Variants in STX7 observed in about 807,000 individuals in gnomAD.
STX7 encodes the protein syntaxin 7.
In STX7, 34 loss-of-function variants were observed where a neutral mutation model predicts 39.6. That is an observed-to-expected ratio of 0.86 (90% CI 0.65 to 1.14). STX7 has a LOEUF of 1.14. Ranked by LOEUF, STX7 falls within the 50% of genes most tolerant of loss-of-function variation. STX7 has a pLI of 0.00. For missense variants in STX7, 284 were observed against 310.4 expected, an observed-to-expected ratio of 0.92 and a Z score of 0.64; for synonymous variants, 119 against 99.1, an observed-to-expected ratio of 1.20 and a Z score of -1.19.
At chr6:132,485,422 G>A (rs886343094) in intron 2 of STX7, among the ~76,000 whole-genome samples, 1 of 152,130 alleles carries the variant, frequency 6.6e-6, no homozygotes, top group Non-Finnish European at 1.5e-5. Context: ...CACTATTGAT[G>A]GACATTTGTG....
intron 3 of STX7, among the ~76,000 whole-genome samples, chr6:132,474,983 G>T (rs1582656711): frequency 6.6e-6 from 1 of 152,166 alleles, no homozygotes; most frequent in East Asian, 1.9e-4. Flanking sequence ...TGACTGCGGG[G>T]ATTTTTAGCT....
Position 132,456,537 on chromosome 6 carries a change from G to T in STX7, c.*4221C>A, listed in dbSNP as rs1056427717. ...TAAGTATTTATTAAGCAACTACTACGGGAGGGAAGGAAGAAGGGAAGGAAG... is the reference window on the plus strand; with the variant it reads ...TAAGTATTTATTAAGCAACTACTACTGGAGGGAAGGAAGAAGGGAAGGAAG... On this transcript the variant is annotated 3_prime_UTR_variant, in exon 10 of 10. Transcript: ENST00000367941. The T allele has an allele frequency of 6.6e-6, 1 of 152,168 alleles. No homozygotes were observed. Among genetic ancestry groups the T allele is most frequent in the Non-Finnish European group, 1.5e-5 (1 of 68,038 alleles). 9.4% of individuals were successfully genotyped at this position (152,168 alleles called of 1,614,324 possible).
intron 7 of STX7, 100 bp from the exon 8 acceptor site, chr6:132,468,575 G>T (rs1475454459): frequency 4.2e-6 from 3 of 720,990 alleles, no homozygotes; most frequent in Non-Finnish European, 4.7e-6. Flanking sequence ...ACACATGGGT[G>T]AGCATGCATC....
At chr6:132,498,021 G>C (rs1051561946) in intron 2 of STX7, among the ~76,000 whole-genome samples, 1 of 152,176 alleles carries the variant, frequency 6.6e-6, no homozygotes, top group African/African-American at 2.4e-5. Flanking sequence ...GGTTGAAAAA[G>C]ACTGGATGGC....
chr6:132,484,424 CA>C (rs1299177794), intron 2 of STX7, among the ~76,000 whole-genome samples: 3 of 152,122 alleles, frequency 2.0e-5, no homozygotes, highest in African/African-American at 7.2e-5. Flanking sequence ...AATTTGGTAT[CA>C]GGGGCTATTA....
intron 9 of STX7, among the ~76,000 whole-genome samples, chr6:132,462,771 T>C (rs182182224): frequency 5.0e-4 from 76 of 152,250 alleles, no homozygotes; most frequent in African/African-American, 1.6e-3. Context: ...CTCAGCAATC[T>C]CCATAGCTTC....
At chr6:132,509,458 ATAACATAACATAACATAAC>A (rs375352501) in intron 1 of STX7, among the ~76,000 whole-genome samples, 19,925 of 128,652 alleles carry the variant, frequency 0.15, 3,160 homozygotes, top group East Asian at 0.48. Flanking sequence ...TCAAAATAAC[ATAACATAACATAACATAAC>A]ATAACATAAC....
Position 132,455,795 on chromosome 6 carries a change from T to G in STX7, c.*4963A>C, listed in dbSNP as rs534595074. ...CCAAATGATTACAAAAACAAAGAAT[T>G]AAAATTGGTGTATTGATATGGTATT... On this transcript the variant is annotated 3_prime_UTR_variant, in exon 10 of 10. Transcript: ENST00000367941. The G allele has an allele frequency of 5.3e-4, 81 of 152,258 alleles. No homozygotes were observed. Among genetic ancestry groups the G allele is most frequent in the African/African-American group, 1.8e-3 (76 of 41,562 alleles). The allele number at this position is 152,258 out of a possible 1,614,324, so 9.4% of individuals were successfully genotyped here.
chr6:132,497,854 G>A lies in STX7; in HGVS notation c.85+5592C>T, dbSNP rs557065914. On this transcript the variant is annotated intron_variant, in intron 2 of 9. Transcript: ENST00000367941. ...TAGAAGGTAAACAGGCATAGATGTT[G>A]CTAATAAAAATGTCACTTTTGAACA... 3.9e-5 allele frequency among the ~76,000 whole-genome samples: 6 copies of A among 152,298 alleles called. No individual in the cohort carries two copies. In the South Asian group the frequency reaches 8.3e-4, roughly 21 times the overall value.
chr6:132,450,572 G>A lies in STX7; in HGVS notation c.*10186C>T, dbSNP rs996334903. 1 of 151,850 alleles carries A rather than the reference G, an allele frequency of 6.6e-6. No homozygotes were observed. The highest frequency in any genetic ancestry group is 2.4e-5 in the African/African-American group (1 of 41,354). The allele number at this position is 151,850 out of a possible 1,614,324, so 9.4% of individuals were successfully genotyped here. On this transcript the variant is annotated 3_prime_UTR_variant, in exon 10 of 10. Transcript: ENST00000367941. ...TCTATAGTATAGGTTTATACTCCAG[G>A]GGTCAACCAACATTTTCGGTAAAGG...
chr6:132,494,204 C>T (rs1361058585), intron 2 of STX7, among the ~76,000 whole-genome samples: 1 of 151,480 alleles, frequency 6.6e-6, no homozygotes, highest in African/African-American at 2.4e-5. Context: ...GGCATAACCA[C>T]ATAAAAAAGT....
At chr6:132,487,649 A>G (rs997178749) in intron 2 of STX7, among the ~76,000 whole-genome samples, 2 of 152,212 alleles carry the variant, frequency 1.3e-5, no homozygotes, top group Admixed American at 1.3e-4. Flanking sequence ...GAAATAAATA[A>G]AATAAAAACC....
At chr6:132,510,261 T>C (rs1775814308) in intron 1 of STX7, among the ~76,000 whole-genome samples, 1 of 152,234 alleles carries the variant, frequency 6.6e-6, no homozygotes, top group Non-Finnish European at 1.5e-5. Flanking sequence ...CAAAGAAATG[T>C]TAAATGTTTG....
rs1385676566 is a variant in STX7 at position 132,460,811 on chromosome 6, G to A, written c.733C>T (p.Leu245Phe). 6.2e-7 allele frequency: 1 copy of A among 1,613,494 alleles called. No individual in the cohort carries two copies. The highest frequency in any genetic ancestry group is 1.7e-5 in the Admixed American group (1 of 59,974). Reference sequence around the variant, plus strand: ...CTGATAATCGCAACTCCAATGACAAGGATAAGAATGATGATGCACAGGGTT... The same window carrying A: ...CTGATAATCGCAACTCCAATGACAAAGATAAGAATGATGATGCACAGGGTT... ...RKTLCIIILI[L>F]VIGVAIISLI... is the part of the protein sequence containing the mutation. Residue 245 changes from leucine (L) to phenylalanine (F), a missense_variant, in exon 10 of 10, where the codon CTT (leucine) becomes TTT (phenylalanine). Coordinates refer to ENST00000367941, the MANE Select transcript of STX7 (RefSeq NM_003569.3).
intron 3 of STX7, among the ~76,000 whole-genome samples, chr6:132,474,347 CTTTAG>C (rs1197349154): frequency 6.7e-6 from 1 of 149,598 alleles, no homozygotes; most frequent in Non-Finnish European, 1.5e-5. Flanking sequence ...TTCCATTTTA[CTTTAG>C]TTTAATGAAT....
In STX7 at chr6:132,475,738, C is replaced by T. The variant is rs879933436; in HGVS notation, c.86-76G>A. 14 of 930,652 alleles carry T rather than the reference C, an allele frequency of 1.5e-5. No homozygotes were observed. The African/African-American group carries it at 2.0e-4, about 13-fold the overall frequency. The allele number at this position is 930,652 out of a possible 1,614,324, so 57.6% of individuals were successfully genotyped here. ...AGAAAGAGTTAAAAATTAATATGTA[C>T]AAGCAATTGGGCAGTTGAAAAGAGA... On this transcript the variant is annotated intron_variant, in intron 2 of 9. Transcript: ENST00000367941.
At chr6:132,471,353 C>T in intron 5 of STX7, 110 bp downstream of exon 5, 1 of 1,218,572 alleles carries the variant, frequency 8.2e-7, no homozygotes, top group Non-Finnish European at 1.1e-6. Context: ...AGCTGATTTC[C>T]AAGATATTCA....
intron 1 of STX7, among the ~76,000 whole-genome samples, chr6:132,504,814 C>T (rs1775657688): frequency 6.6e-6 from 1 of 152,212 alleles, no homozygotes; most frequent in South Asian, 2.1e-4. Flanking sequence ...TCATCCTTGT[C>T]TGGAAAGAAT....
chr6:132,481,894 G>A (rs996916996), intron 2 of STX7, among the ~76,000 whole-genome samples: 1 of 152,132 alleles, frequency 6.6e-6, no homozygotes, highest in African/African-American at 2.4e-5. Flanking sequence ...TGGTTTGAAG[G>A]GTAAGAAATA....
Sources: gnomAD v4.1 joint callset for allele counts (sites outside exome capture counted in the v4.1 genomes callset) on GRCh38, gnomAD v4.1.1 for gene constraint, MANE v1.5 for transcripts, NCBI Gene and HGNC (gene_info 2026-07-23, HGNC 2026-07-21) for gene names.